Variants in SGCZ observed in about 807,000 individuals in gnomAD.
The protein encoded by SGCZ is sarcoglycan zeta, also known as zeta-sarcoglycan.
In SGCZ, 40 loss-of-function variants were observed where a neutral mutation model predicts 41.3. The ratio of observed to expected loss-of-function variants is 0.97; its 90% CI spans 0.75 to 1.26. The LOEUF is 1.26. Ranked by LOEUF, SGCZ falls within the 50% of genes most tolerant of loss-of-function variation. The pLI is 0.00. For synonymous variants in SGCZ, 206 were observed against 137.5 expected, an observed-to-expected ratio of 1.50 and a Z score of -3.49; for missense variants, 552 against 369.8, an observed-to-expected ratio of 1.49 and a Z score of -4.04.
intron 1 of SGCZ, among the ~76,000 whole-genome samples, chr8:14,594,615 T>G (rs182733000): frequency 1.3e-5 from 2 of 151,748 alleles, no homozygotes; most frequent in Admixed American, 6.5e-5. Flanking sequence ...ATACTCTGGA[T>G]AGTTTTCTCC....
chr8:14,840,066 C>T (rs1380358892), intron 1 of SGCZ, among the ~76,000 whole-genome samples: 1 of 152,016 alleles, frequency 6.6e-6, no homozygotes. Flanking sequence ...TTAGTCGTAA[C>T]ATTTAAATTA....
intron 1 of SGCZ, among the ~76,000 whole-genome samples, chr8:14,619,458 A>G (rs1379003186): frequency 1.3e-5 from 2 of 152,074 alleles, no homozygotes; most frequent in Admixed American, 6.6e-5. Flanking sequence ...GGCAGGAGGA[A>G]AAAAATAAAG....
chr8:14,298,271 C>T (rs1266375295), intron 3 of SGCZ, among the ~76,000 whole-genome samples: 3 of 151,812 alleles, frequency 2.0e-5, no homozygotes, highest in Non-Finnish European at 4.4e-5. Context: ...ATAGAAAAGA[C>T]TAAAATTTCC....
intron 2 of SGCZ, among the ~76,000 whole-genome samples, chr8:14,340,044 C>G (rs1802648658): frequency 6.6e-6 from 1 of 152,104 alleles, no homozygotes; most frequent in Admixed American, 6.6e-5. Flanking sequence ...AGAATGACGT[C>G]AATCTTCTAC....
intron 3 of SGCZ, among the ~76,000 whole-genome samples, chr8:14,255,171 T>G (rs1380374880): frequency 6.6e-6 from 1 of 152,170 alleles, no homozygotes; most frequent in Non-Finnish European, 1.5e-5. Flanking sequence ...CCCTCATTCC[T>G]GGAAGATTTC....
intron 1 of SGCZ, among the ~76,000 whole-genome samples, chr8:14,834,684 C>A (rs1296274668): frequency 6.6e-6 from 1 of 152,092 alleles, no homozygotes. Flanking sequence ...TTTGCTGGGC[C>A]AGCTTTGTCA....
intron 1 of SGCZ, among the ~76,000 whole-genome samples, chr8:15,222,704 C>T (rs967751228): frequency 6.6e-6 from 1 of 151,998 alleles, no homozygotes; most frequent in Non-Finnish European, 1.5e-5. Flanking sequence ...TCTTAGAAGT[C>T]ATGATGCTCT....
At chr8:14,487,031 A>T (rs901626635) in intron 2 of SGCZ, among the ~76,000 whole-genome samples, 2 of 152,108 alleles carry the variant, frequency 1.3e-5, no homozygotes, top group Non-Finnish European at 2.9e-5. Flanking sequence ...CAGAACAGTG[A>T]CGTGTTCACA....
intron 1 of SGCZ, among the ~76,000 whole-genome samples, chr8:14,750,722 G>A (rs751347076): frequency 7.2e-5 from 11 of 152,128 alleles, no homozygotes; most frequent in Non-Finnish European, 1.6e-4. Context: ...CACTGTGAAC[G>A]ATGACATGTC....
At chr8:14,467,332 A>T (rs1801079861) in intron 2 of SGCZ, among the ~76,000 whole-genome samples, 1 of 152,028 alleles carries the variant, frequency 6.6e-6, no homozygotes, top group African/African-American at 2.4e-5. Context: ...CTAGTGGGGA[A>T]GAGCTTTCAA....
chr8:14,202,392 A>T (rs74575792), intron 4 of SGCZ, among the ~76,000 whole-genome samples: 2 of 152,104 alleles, frequency 1.3e-5, no homozygotes, highest in Non-Finnish European at 2.9e-5. Flanking sequence ...ATTGCATAAT[A>T]ATTTTGTGGT....
chr8:14,370,321 T>C (rs1183109226), intron 2 of SGCZ, among the ~76,000 whole-genome samples: 1 of 152,000 alleles, frequency 6.6e-6, no homozygotes, highest in Non-Finnish European at 1.5e-5. Context: ...CTTATATTCC[T>C]TCATGTAAAC....
chr8:15,017,693 A>G (rs1343075919), intron 1 of SGCZ, among the ~76,000 whole-genome samples: 1 of 151,938 alleles, frequency 6.6e-6, no homozygotes, highest in African/African-American at 2.4e-5. Context: ...TTTTACAGAG[A>G]CAGGGTTTCA....
chr8:14,178,790 T>C (rs1398433768), intron 4 of SGCZ, among the ~76,000 whole-genome samples: 1 of 152,194 alleles, frequency 6.6e-6, no homozygotes. Context: ...GATAAATAAA[T>C]TGAGTAAATG....
chr8:14,976,568 C>G (rs776128317), intron 1 of SGCZ, among the ~76,000 whole-genome samples: 5 of 152,134 alleles, frequency 3.3e-5, no homozygotes, highest in Non-Finnish European at 7.4e-5. Flanking sequence ...CTGTCTATCT[C>G]TAGCTGTGAA....
At chr8:14,568,621 G>A (rs1804456551) in intron 1 of SGCZ, among the ~76,000 whole-genome samples, 1 of 152,074 alleles carries the variant, frequency 6.6e-6, no homozygotes, top group Non-Finnish European at 1.5e-5. Flanking sequence ...CAAACACAGA[G>A]CTAGGCACTC....
intron 2 of SGCZ, among the ~76,000 whole-genome samples, chr8:14,339,089 CATATT>C (rs1340501225): frequency 1.4e-5 from 2 of 145,588 alleles, no homozygotes; most frequent in Admixed American, 6.9e-5. Flanking sequence ...ACAACTATAA[CATATT>C]ATGTTTTTTT....
intron 1 of SGCZ, chr8:14,879,074 C>G (rs1306824788): frequency 6.6e-6 from 1 of 152,074 alleles, no homozygotes; most frequent in African/African-American, 2.4e-5. Context: ...CCTGTAATTC[C>G]AACACTTTGG....
chr8:14,835,491 T>G (rs1333888635), intron 1 of SGCZ, among the ~76,000 whole-genome samples: 1 of 152,214 alleles, frequency 6.6e-6, no homozygotes, highest in East Asian at 1.9e-4. Context: ...AGACTGTGTC[T>G]GCAGGATACT....
Sources: gnomAD v4.1 joint callset for allele counts (sites outside exome capture counted in the v4.1 genomes callset) on GRCh38, gnomAD v4.1.1 for gene constraint, MANE v1.5 for transcripts, NCBI Gene and HGNC (gene_info 2026-07-23, HGNC 2026-07-21) for gene names.